SLC35F2: variants seen among roughly 807,000 people sequenced by gnomAD.
The protein encoded by SLC35F2 is solute carrier family 35 member F2.
A neutral mutation model predicts 38.1 loss-of-function variants in SLC35F2; 25 were observed. The ratio of observed to expected loss-of-function variants is 0.66; its 90% confidence interval spans 0.48 to 0.92. The LOEUF (loss-of-function observed/expected upper bound fraction) is 0.92. Among genes scored for constraint, SLC35F2 ranks in the 40% least tolerant of loss-of-function variants. SLC35F2 has a pLI of 0.00. For synonymous variants in SLC35F2, 173 were observed against 181.7 expected (o/e 0.95, Z 0.38); for missense variants, 409 against 452.9 (o/e 0.90, Z 0.88).
At chr11:107,842,287 T>TAAAAAAAAAAAAAA (rs1292690214) in intron 1 of SLC35F2, among the ~76,000 whole-genome samples, 73 of 71,222 alleles carry the variant, frequency 1.0e-3, no homozygotes, top group African/African-American at 1.4e-3. Context: ...AAAAAAAAAT[T>TAAAAAAAAAAAAAA]AAAGCTTGAC....
intron 1 of SLC35F2, among the ~76,000 whole-genome samples, chr11:107,829,776 T>A (rs12293030): frequency 0.065 from 9,396 of 144,716 alleles, 774 homozygotes; most frequent in African/African-American, 0.22. Flanking sequence ...TAGAAAAAAA[T>A]ATATATATCC....
chr11:107,811,889 T>G (rs926253339), intron 2 of SLC35F2, 95 bp from the exon 3 acceptor site: 12 of 1,157,020 alleles, frequency 1.0e-5, no homozygotes, highest in East Asian at 2.5e-5. Flanking sequence ...GAGTTTCTTG[T>G]TTTTTTTTCT....
At chr11:107,829,087 G>A (rs1393312812) in intron 1 of SLC35F2, among the ~76,000 whole-genome samples, 6 of 148,426 alleles carry the variant, frequency 4.0e-5, no homozygotes, top group South Asian at 4.3e-4. Context: ...CAGCCTGGGC[G>A]ACAGAGTGAG....
At chr11:107,836,218 A>C (rs933579869) in intron 1 of SLC35F2, among the ~76,000 whole-genome samples, 1 of 122,436 alleles carries the variant, frequency 8.2e-6, no homozygotes, top group Non-Finnish European at 1.7e-5. Context: ...ATTATCACTT[A>C]CATTTTTTCT....
intron 1 of SLC35F2, among the ~76,000 whole-genome samples, chr11:107,856,590 C>T (rs1448363664): frequency 3.3e-5 from 5 of 151,786 alleles, no homozygotes; most frequent in South Asian, 2.1e-4. Context: ...CCAGCTACTT[C>T]GGAGGCTGAG....
At chr11:107,847,848 CA>C (rs1335848998) in intron 1 of SLC35F2, among the ~76,000 whole-genome samples, 2 of 152,140 alleles carry the variant, frequency 1.3e-5, no homozygotes, top group Non-Finnish European at 2.9e-5. Context: ...GTCTCTGAAC[CA>C]AGTGCCAAGT....
chr11:107,848,195 C>G (rs1236952273), intron 1 of SLC35F2, among the ~76,000 whole-genome samples: 1 of 151,828 alleles, frequency 6.6e-6, no homozygotes, highest in African/African-American at 2.4e-5. Flanking sequence ...TAAAATGGTA[C>G]ATTTTATGTT....
intron 1 of SLC35F2, among the ~76,000 whole-genome samples, chr11:107,854,514 C>T (rs1860247000): frequency 6.6e-6 from 1 of 152,112 alleles, no homozygotes; most frequent in Non-Finnish European, 1.5e-5. Context: ...TCTTCTATCA[C>T]AATATTTTTC....
chr11:107,858,780 GCGT>G lies in SLC35F2; in HGVS notation c.-16_-14del. 2.4e-6 allele frequency: 3 copies of G among 1,252,538 alleles called. No individual in the cohort carries two copies. Among genetic ancestry groups the G allele is most frequent in the Non-Finnish European group, 3.0e-6 (3 of 990,618 alleles). The allele number at this position is 1,252,538 out of a possible 1,614,324, so 77.6% of individuals were successfully genotyped here. A position where few individuals can be genotyped will look rare whatever the true frequency, so the allele number is the denominator to read the frequency against. ...AGTCTGCCTCCATCGGCGCCCTTGC[GCGT>G]CTCCGGCGCCCAAAACCCCCGAAGT... On this transcript the variant is annotated 5_prime_UTR_variant, in exon 1 of 8. Coordinates refer to ENST00000525815, the MANE Select transcript of SLC35F2 (RefSeq NM_017515.5).
rs1250402294 is a variant in SLC35F2, at chr11:107,818,062, AAAAAAAAAAAAAAG to A, written c.111-2111_111-2098del. ...ACAGAGCAAGACTCTGTCTCAAAAAAAAAAAAAAAAAAAGAAAGAAAGAAAGAAAGAAAGAAAGA... is the reference window on the plus strand; with the variant it reads ...ACAGAGCAAGACTCTGTCTCAAAAAAAAAGAAAGAAAGAAAGAAAGAAAGA... On this transcript the variant is annotated intron_variant, in intron 1 of 7. Coordinates refer to ENST00000525815, the MANE Select transcript of SLC35F2 (RefSeq NM_017515.5). 6.4e-5 allele frequency among the ~76,000 whole-genome samples: 8 copies of A among 125,784 alleles called. 1 individual carries two copies. Among genetic ancestry groups the A allele is most frequent in the Admixed American group, 5.5e-4 (7 of 12,688 alleles). The allele number at this position is 125,784 out of a possible 152,430, so 82.5% of individuals were successfully genotyped here. A position where few individuals can be genotyped will look rare whatever the true frequency, so the allele number is the denominator to read the frequency against.
chr11:107,828,065 T>A (rs1465134217), intron 1 of SLC35F2, among the ~76,000 whole-genome samples: 3 of 152,164 alleles, frequency 2.0e-5, no homozygotes, highest in Non-Finnish European at 2.9e-5. Context: ...ATTGAATCTA[T>A]GACAAAAATA....
chr11:107,833,151 CT>C (rs1859875432), intron 1 of SLC35F2, among the ~76,000 whole-genome samples: 1 of 152,160 alleles, frequency 6.6e-6, no homozygotes, highest in Admixed American at 6.6e-5. Context: ...TACAAAAACT[CT>C]TCTATACCCT....
intron 7 of SLC35F2, among the ~76,000 whole-genome samples, chr11:107,801,146 A>AAG (rs1420057390): frequency 1.3e-5 from 2 of 152,102 alleles, no homozygotes; most frequent in African/African-American, 4.8e-5. Flanking sequence ...ACTTCAGGTG[A>AAG]TCCACCCTCC....
chr11:107,792,834 CT>C, intron 7 of SLC35F2, 34 bp from the exon 8 acceptor site: 1 of 1,504,730 alleles, frequency 6.6e-7, no homozygotes, highest in Non-Finnish European at 8.9e-7. Context: ...AATTGTGCCC[CT>C]CACATACACA....
chr11:107,846,929 C>A (rs376699293), intron 1 of SLC35F2, among the ~76,000 whole-genome samples: 797 of 136,544 alleles, frequency 5.8e-3, no homozygotes, highest in Admixed American at 7.7e-3. Flanking sequence ...GACTCTGTCT[C>A]AAAAAAAAAA....
intron 7 of SLC35F2, 59 bp downstream of exon 7, chr11:107,802,942 C>T (rs949772437): frequency 2.2e-5 from 32 of 1,479,716 alleles, no homozygotes; most frequent in African/African-American, 2.9e-5. Flanking sequence ...TTGAAGAAAC[C>T]TGCTACGTTT....
chr11:107,812,460 G>C (rs1018267379), intron 2 of SLC35F2, among the ~76,000 whole-genome samples: 1 of 152,040 alleles, frequency 6.6e-6, no homozygotes, highest in African/African-American at 2.4e-5. Flanking sequence ...GAGGACAGCT[G>C]GAGCCCAGGA....
chr11:107,843,869 AT>A (rs1482391228), intron 1 of SLC35F2, among the ~76,000 whole-genome samples: 14,432 of 37,160 alleles, frequency 0.39, 2,241 homozygotes, highest in South Asian at 0.52. Context: ...AAAAAAAAAA[AT>A]ATATATATAT....
intron 7 of SLC35F2, among the ~76,000 whole-genome samples, chr11:107,795,886 C>T (rs1859209296): frequency 1.3e-5 from 2 of 152,228 alleles, no homozygotes; most frequent in Admixed American, 1.3e-4. Flanking sequence ...GTAATCCTAG[C>T]ACTTTGGGAG....
Sources: allele counts gnomAD v4.1 joint callset (sites outside exome capture counted in the v4.1 genomes callset), GRCh38; gene constraint gnomAD v4.1.1; transcripts MANE v1.5; gene names NCBI Gene and HGNC (gene_info 2026-07-23, HGNC 2026-07-21).